The following BAG3 variants were observed in gnomAD, a reference collection of about 807,000 sequenced individuals.
The protein encoded by BAG3 is BAG cochaperone 3, also known as BAG family molecular chaperone regulator 3.
BAG3 carries 14 observed loss-of-function variants against 40.5 expected under a neutral mutation model. The ratio of observed to expected loss-of-function variants is 0.35; its 90% CI spans 0.23 to 0.54. The LOEUF (loss-of-function observed/expected upper bound fraction) is 0.54, where lower values mean the gene tolerates loss of function less well. BAG3 is among the 20% of genes least tolerant of loss of function. The pLI is 0.91. For synonymous variants in BAG3, 302 were observed against 307.8 expected, an observed-to-expected ratio of 0.98 and a Z score of 0.20; for missense variants, 788 against 758.6, an observed-to-expected ratio of 1.04 and a Z score of -0.46.
At chr10:119,664,238 A>G (rs896396820) in intron 1 of BAG3, among the ~76,000 whole-genome samples, 2 of 152,118 alleles carry the variant, frequency 1.3e-5, no homozygotes, top group African/African-American at 4.8e-5. Context: ...TCTTGTACAT[A>G]ATAGGGCAAA....
At chr10:119,675,910 T>TCCC (rs1564776235) in intron 3 of BAG3, among the ~76,000 whole-genome samples, 12 of 8,268 alleles carry the variant, frequency 1.5e-3, no homozygotes, top group East Asian at 3.4e-3. Context: ...CCCCCCTTCC[T>TCCC]TCCTTCCTTC....
intron 1 of BAG3, among the ~76,000 whole-genome samples, chr10:119,665,790 T>G (rs1255569124): frequency 8.5e-5 from 13 of 152,170 alleles, no homozygotes; most frequent in African/African-American, 2.9e-4. Flanking sequence ...AAAGCAATTT[T>G]TTGTTGTTGT....
intron 1 of BAG3, among the ~76,000 whole-genome samples, chr10:119,659,586 C>A (rs879693372): frequency 2.0e-5 from 3 of 152,192 alleles, no homozygotes; most frequent in Admixed American, 1.3e-4. Flanking sequence ...CCCCGGGACT[C>A]AGGGGTCTCA....
At chr10:119,652,996 C>CA (rs1247888381) in intron 1 of BAG3, among the ~76,000 whole-genome samples, 3 of 152,200 alleles carry the variant, frequency 2.0e-5, no homozygotes, top group Admixed American at 1.3e-4. Context: ...AAGATAAAAG[C>CA]AGCAAAGAGC....
At position 119,665,140 on chromosome 10, in the gene BAG3, A is replaced by ATTTTTT. The variant is rs1491344342; in HGVS notation, c.181-4710_181-4709insTTTTTT. 3.9e-3 allele frequency among the ~76,000 whole-genome samples: 326 copies of ATTTTTT among 84,312 alleles called. 8 individuals carry two copies. Among genetic ancestry groups the ATTTTTT allele is most frequent in the Non-Finnish European group, 5.9e-3 (254 of 42,804 alleles). The allele number at this position is 84,312 out of a possible 152,430, so 55.3% of individuals were successfully genotyped here. ...TGTGTGTGTGTGTATATATATATAT[A>ATTTTTT]TATATTTTTTTTTTTAGTTGGAGTC... On this transcript the variant is annotated intron_variant, in intron 1 of 3. Transcript: ENST00000369085.
intron 1 of BAG3, among the ~76,000 whole-genome samples, chr10:119,663,830 C>A (rs1163734963): frequency 1.3e-5 from 2 of 152,176 alleles, no homozygotes; most frequent in Non-Finnish European, 2.9e-5. Flanking sequence ...CATCGTTTTT[C>A]TCACTGCGGA....
intron 1 of BAG3, among the ~76,000 whole-genome samples, chr10:119,665,785 A>G (rs1023887906): frequency 1.3e-5 from 2 of 151,892 alleles, no homozygotes; most frequent in African/African-American, 4.8e-5. Flanking sequence ...TATTTAAAGC[A>G]ATTTTTTGTT....
At chr10:119,660,974 T>TC (rs1158618152) in intron 1 of BAG3, among the ~76,000 whole-genome samples, 1 of 152,200 alleles carries the variant, frequency 6.6e-6, no homozygotes, top group African/African-American at 2.4e-5. Flanking sequence ...ATGCCTGTAA[T>TC]CCCAGCTACT....
chr10:119,654,424 G>C (rs1190777327), intron 1 of BAG3, among the ~76,000 whole-genome samples: 3 of 152,202 alleles, frequency 2.0e-5, no homozygotes, highest in East Asian at 3.9e-4. Flanking sequence ...ACGTTAGTAA[G>C]AAAATGGAAA....
At chr10:119,675,206 G>C (rs933870454) in intron 3 of BAG3, among the ~76,000 whole-genome samples, 2 of 152,098 alleles carry the variant, frequency 1.3e-5, no homozygotes, top group Non-Finnish European at 2.9e-5. Context: ...GATGGTATGT[G>C]CCTGTAGTTG....
intron 2 of BAG3, among the ~76,000 whole-genome samples, chr10:119,670,775 A>G (rs558481733): frequency 6.6e-6 from 1 of 152,322 alleles, no homozygotes; most frequent in African/African-American, 2.4e-5. Context: ...GGATATGTCA[A>G]TGGATTCTGT....
intron 3 of BAG3, among the ~76,000 whole-genome samples, chr10:119,675,803 T>TC (rs1173539128): frequency 4.2e-5 from 1 of 23,622 alleles, no homozygotes; most frequent in Non-Finnish European, 8.3e-5. Context: ...CCCTTCCCCT[T>TC]CCCCCCTTCC....
intron 1 of BAG3, among the ~76,000 whole-genome samples, chr10:119,665,981 T>C (rs998482776): frequency 2.0e-5 from 3 of 152,198 alleles, no homozygotes; most frequent in Non-Finnish European, 4.4e-5. Flanking sequence ...CGCCCTTGCC[T>C]GTCCTGACCG....
At chr10:119,662,428 A>G (rs1847006906) in intron 1 of BAG3, among the ~76,000 whole-genome samples, 1 of 152,004 alleles carries the variant, frequency 6.6e-6, no homozygotes, top group Non-Finnish European at 1.5e-5. Context: ...GAGGCGAGCC[A>G]GGCCACTTAA....
chr10:119,662,315 C>G (rs554085404), intron 1 of BAG3, among the ~76,000 whole-genome samples: 1 of 150,958 alleles, frequency 6.6e-6, no homozygotes, highest in African/African-American at 2.4e-5. Context: ...GTGATCCGCC[C>G]GCCTCGGCCT....
chr10:119,666,957 C>T (rs1018256875), intron 1 of BAG3, among the ~76,000 whole-genome samples: 1 of 152,174 alleles, frequency 6.6e-6, no homozygotes, highest in East Asian at 1.9e-4. Flanking sequence ...ACCATCGATT[C>T]ACTTTGTACT....
At chr10:119,665,146 T>TTCC (rs1564771861) in intron 1 of BAG3, among the ~76,000 whole-genome samples, 15 of 69,890 alleles carry the variant, frequency 2.1e-4, no homozygotes, top group African/African-American at 3.2e-4. Context: ...ATATATATAT[T>TTCC]TTTTTTTTTA....
Position 119,676,499 on chromosome 10 carries a change from C to T in BAG3, c.945C>T (p.Ser315=), listed in dbSNP as rs1383702568. Residue 315 remains serine, a synonymous_variant, in exon 4 of 4, where the codon TCC becomes TCT. Coordinates refer to ENST00000369085, the MANE Select transcript of BAG3 (RefSeq NM_004281.4). The part of the protein sequence containing the change: ...PMTHRETAPV[S]QPENKPESKP... ...CCCATCGAGAAACTGCACCTGTTTC[C>T]CAGCCTGAAAACAAACCAGAAAGTA... 2 of 1,614,016 alleles carry T rather than the reference C, an allele frequency of 1.2e-6. No individual in the cohort carries two copies. The highest frequency in any genetic ancestry group is 1.7e-6 in the Non-Finnish European group (2 of 1,179,996).
At chr10:119,657,492 A>T (rs962805841) in intron 1 of BAG3, 11 of 469,620 alleles carry the variant, frequency 2.3e-5, no homozygotes, top group Non-Finnish European at 2.7e-5. Context: ...GGAACGAGTG[A>T]CTGTGGAGAA....
Sources: allele counts gnomAD v4.1 joint callset (sites outside exome capture counted in the v4.1 genomes callset), GRCh38; gene constraint gnomAD v4.1.1; transcripts MANE v1.5; gene names NCBI Gene and HGNC (gene_info 2026-07-23, HGNC 2026-07-21).